FAM20C: variants seen among roughly 807,000 people sequenced by gnomAD.
FAM20C encodes extracellular serine/threonine protein kinase FAM20C.
FAM20C carries 40 observed loss-of-function variants against 51.5 expected under a neutral mutation model. That is an observed-to-expected ratio of 0.78 (90% CI 0.60 to 1.01). FAM20C has a LOEUF of 1.01. Ranked by LOEUF, FAM20C falls within the 50% of genes least tolerant of loss-of-function variation. FAM20C has a pLI of 0.00. For synonymous variants in FAM20C, 406 were observed against 380.6 expected, an observed-to-expected ratio of 1.07 and a Z score of -0.78; for missense variants, 861 against 844.7, an observed-to-expected ratio of 1.02 and a Z score of -0.24.
intron 3 of FAM20C, among the ~76,000 whole-genome samples, chr7:214,185 C>T (rs575458792): frequency 4.3e-4 from 65 of 152,140 alleles, no homozygotes; most frequent in African/African-American, 1.3e-3. Context: ...ATTAGCTGGG[C>T]GTGGTGATGC....
intron 3 of FAM20C, among the ~76,000 whole-genome samples, chr7:241,234 C>A (rs1478071125): frequency 6.6e-6 from 1 of 152,156 alleles, no homozygotes; most frequent in African/African-American, 2.4e-5. Context: ...GGCCCGAGGG[C>A]CTCGGGAGCG....
At chr7:231,312 A>T (rs1368623249) in intron 3 of FAM20C, among the ~76,000 whole-genome samples, 2 of 152,082 alleles carry the variant, frequency 1.3e-5, no homozygotes, top group African/African-American at 4.8e-5. Context: ...ACGTCGACTG[A>T]CACTTTGGTG....
chr7:204,368 G>A lies in FAM20C; in HGVS notation c.785-4530G>A, dbSNP rs142563928. Among the ~76,000 whole-genome samples the A allele has an allele frequency of 5.2e-3, 796 of 152,356 alleles. 5 individuals are homozygous for A. Among genetic ancestry groups the A allele is most frequent in the Non-Finnish European group, 8.1e-3 (552 of 68,040 alleles). On this transcript the variant is annotated intron_variant, in intron 2 of 9. Transcript: ENST00000313766. ...TGCTTCCTTCACCTGAGGAGGGCAC[G>A]GCCTCTGAGAGTTTCACCAGCAGAC...
intron 3 of FAM20C, among the ~76,000 whole-genome samples, chr7:223,044 CGT>C (rs1214484661): frequency 6.6e-6 from 1 of 151,692 alleles, no homozygotes; most frequent in Non-Finnish European, 1.5e-5. Context: ...TATGTGAGGG[CGT>C]GTGTGTGCAC....
chr7:228,684 T>C (rs539291346), intron 3 of FAM20C: 1 of 456,178 alleles, frequency 2.2e-6, no homozygotes, highest in East Asian at 7.0e-5. Context: ...CTGAGGTCCT[T>C]AGCATCTCAG....
intron 8 of FAM20C, among the ~76,000 whole-genome samples, chr7:258,027 C>A (rs1469566795): frequency 2.0e-5 from 2 of 97,912 alleles, no homozygotes; most frequent in Non-Finnish European, 4.8e-5. Flanking sequence ...CTGGGTGGAC[C>A]CACTGCCCGG....
chr7:220,778 T>C (rs1211537470), intron 3 of FAM20C, among the ~76,000 whole-genome samples: 1 of 152,194 alleles, frequency 6.6e-6, no homozygotes, highest in African/African-American at 2.4e-5. Flanking sequence ...CATCTGGTGC[T>C]CGAGCATAGG....
chr7:260,039 G>T lies in FAM20C; in HGVS notation c.*59G>T. The T allele has an allele frequency of 6.9e-7, 1 of 1,445,850 alleles. No individual in the cohort carries two copies. The highest frequency in any genetic ancestry group is 2.4e-4 in the Middle Eastern group (1 of 4,184). 89.6% of individuals were successfully genotyped at this position (1,445,850 alleles called of 1,614,324 possible). A position where few individuals can be genotyped will look rare whatever the true frequency, so the allele number is the denominator to read the frequency against. On this transcript the variant is annotated 3_prime_UTR_variant, in exon 10 of 10. Transcript: ENST00000313766. ...ACAGAGGCGCCGGACCTCCCAGCAA[G>T]CGCATGCGCCCGTCGTGAATTCAGT... is the stretch of plus-strand genomic sequence containing the variant.
intron 3 of FAM20C, among the ~76,000 whole-genome samples, chr7:214,765 C>T (rs1425501191): frequency 6.6e-6 from 1 of 152,178 alleles, no homozygotes; most frequent in Non-Finnish European, 1.5e-5. Context: ...GGGGACTGAG[C>T]ATGGGTTTGA....
intron 5 of FAM20C, among the ~76,000 whole-genome samples, chr7:253,846 C>T (rs1170263696): frequency 3.3e-5 from 5 of 152,212 alleles, no homozygotes; most frequent in African/African-American, 7.2e-5. Context: ...TAGGCGAGGA[C>T]GGGAGGCTGT....
intron 3 of FAM20C, among the ~76,000 whole-genome samples, chr7:220,346 G>A (rs1433188826): frequency 6.6e-6 from 1 of 152,216 alleles, no homozygotes; most frequent in Non-Finnish European, 1.5e-5. Context: ...CCCACTGGGC[G>A]CCTGCTGTGG....
intron 2 of FAM20C, 151 bp from the exon 3 acceptor site, chr7:208,747 T>C (rs1346617860): frequency 2.9e-6 from 2 of 685,790 alleles, no homozygotes; most frequent in East Asian, 5.6e-5. Flanking sequence ...GGCGAGAGCT[T>C]CACTGCAGAA....
intron 3 of FAM20C, chr7:228,664 G>C (rs929462721): frequency 2.2e-6 from 1 of 456,136 alleles, no homozygotes; most frequent in Non-Finnish European, 4.4e-6. Flanking sequence ...TGGACAACTG[G>C]TGCCTGGAGC....
chr7:208,294 C>T (rs530227558), intron 2 of FAM20C, among the ~76,000 whole-genome samples: 8 of 151,328 alleles, frequency 5.3e-5, no homozygotes, highest in African/African-American at 7.3e-5. Context: ...CACACCTGGC[C>T]GTCCCGTCGA....
At chr7:251,129 C>T (rs1414569856) in intron 5 of FAM20C, among the ~76,000 whole-genome samples, 4 of 89,644 alleles carry the variant, frequency 4.5e-5, no homozygotes, top group African/African-American at 1.4e-4. Flanking sequence ...GTTTCCTCCC[C>T]GTTTCTAAGG....
chr7:212,576 C>G (rs1786773044), intron 3 of FAM20C, among the ~76,000 whole-genome samples: 1 of 151,956 alleles, frequency 6.6e-6, no homozygotes. Flanking sequence ...CTCCGAGGTG[C>G]TAGATGTGCG....
chr7:245,450 A>G (rs888321409), intron 3 of FAM20C, among the ~76,000 whole-genome samples: 1 of 151,166 alleles, frequency 6.6e-6, no homozygotes, highest in Admixed American at 6.6e-5. Flanking sequence ...GCCTTGGTGG[A>G]GGAAGCCTGG....
At chr7:213,732 A>T (rs1786834691) in intron 3 of FAM20C, among the ~76,000 whole-genome samples, 1 of 152,080 alleles carries the variant, frequency 6.6e-6, no homozygotes. Context: ...TGTTTGAGGA[A>T]CTGACTGTCC....
In FAM20C at chr7:241,062, C is replaced by T. The variant is rs960270303; in HGVS notation, c.864-5353C>T. ...GAGCCCCAAGTGGGGCCGGGGCTTA[C>T]GGGCTGGGGTGAGCTTCGGGGTGAA... On this transcript the variant is annotated intron_variant, in intron 3 of 9. Transcript: ENST00000313766. Among the ~76,000 whole-genome samples, 25 of 137,942 alleles carry T rather than the reference C, an allele frequency of 1.8e-4. No homozygotes were observed. In the East Asian group the frequency reaches 4.3e-3, roughly 24 times the overall value. The allele number at this position is 137,942 out of a possible 152,430, so 90.5% of individuals were successfully genotyped here.
Sources: allele counts gnomAD v4.1 joint callset (sites outside exome capture counted in the v4.1 genomes callset), GRCh38; gene constraint gnomAD v4.1.1; transcripts MANE v1.5; gene names NCBI Gene and HGNC (gene_info 2026-07-23, HGNC 2026-07-21).